AVEN: variants seen among roughly 807,000 people sequenced by gnomAD.
The protein encoded by AVEN is apoptosis and caspase activation inhibitor.
AVEN carries 41 observed loss-of-function variants against 38.1 expected under a neutral mutation model. That is an observed-to-expected ratio of 1.08 (90% CI 0.84 to 1.40). AVEN has a LOEUF of 1.40. AVEN is among the 40% of genes most tolerant of loss of function. AVEN has a pLI of 0.00. For missense variants in AVEN, 605 were observed against 438.8 expected (o/e 1.38, Z -3.38); for synonymous variants, 206 against 171.8 (o/e 1.20, Z -1.56).
Position 33,866,543 on chromosome 15 carries a change from A to AG in AVEN, c.*69dup. ...ATGCTTGTAAACTGGCTGGTCCTGA[A>AG]GGACAGCCTTATGCCCACCTGCCGT... On this transcript the variant is annotated 3_prime_UTR_variant, in exon 6 of 6. Transcript: ENST00000306730. The AG allele has an allele frequency of 8.5e-7, 1 of 1,177,412 alleles. No individual in the cohort carries two copies. Among genetic ancestry groups the AG allele is most frequent in the Middle Eastern group, 2.0e-4 (1 of 5,110 alleles). The allele number at this position is 1,177,412 out of a possible 1,614,324, so 72.9% of individuals were successfully genotyped here. A position where few individuals can be genotyped will look rare whatever the true frequency, so the allele number is the denominator to read the frequency against.
At chr15:34,062,927 C>A in exon 5 of AVEN, 1 of 1,614,200 alleles carries the variant, frequency 6.2e-7, no homozygotes, top group South Asian at 1.1e-5. Context: ...ATTACCTGCT[C>A]AGCTTAGCCT....
At chr15:33,909,611 A>T (rs911417341) in intron 2 of AVEN, among the ~76,000 whole-genome samples, 1 of 152,226 alleles carries the variant, frequency 6.6e-6, no homozygotes, top group African/African-American at 2.4e-5. Flanking sequence ...TTTCGAAGTA[A>T]AAGAATCCTG....
intron 5 of AVEN, among the ~76,000 whole-genome samples, chr15:34,053,319 A>ATATATAT (rs1555520677): frequency 7.8e-4 from 33 of 42,052 alleles, no homozygotes; most frequent in South Asian, 3.0e-3. Context: ...AAAAAAAAAA[A>ATATATAT]ATATATATAT....
rs561532796 is a variant in AVEN at position 33,860,833 on chromosome 15, T to G, written n.2730-1739A>C. On this transcript the variant is annotated intron_variant and non_coding_transcript_variant, in intron 11 of 11. Transcript: ENST00000675287. The stretch of plus-strand genomic sequence containing the variant: ...CATACCCCTGCCAGGCCGGCCACTC[T>G]GCTGCCTCCTCCACTGTCCCACAAT... Among the ~76,000 whole-genome samples, 26 of 152,316 alleles carry G rather than the reference T, an allele frequency of 1.7e-4. No homozygotes were observed. In the East Asian group the frequency reaches 4.8e-3, roughly 28 times the overall value.
chr15:34,041,775 A>G, upstream of AVEN, among the ~76,000 whole-genome samples: 1 of 152,180 alleles, frequency 6.6e-6, no homozygotes, highest in Non-Finnish European at 1.5e-5. Context: ...TATTATTCCT[A>G]TTTTACAGAT....
chr15:33,861,223 A>C, intron 11 of AVEN: 2 of 1,395,740 alleles, frequency 1.4e-6, no homozygotes, highest in Non-Finnish European at 2.0e-6. Flanking sequence ...TGTAGCGTAA[A>C]TAAAGCCAAT....
intron 2 of AVEN, among the ~76,000 whole-genome samples, chr15:33,904,204 G>T (rs975947994): frequency 6.6e-6 from 1 of 152,106 alleles, no homozygotes; most frequent in African/African-American, 2.4e-5. Flanking sequence ...AGTATTGCTG[G>T]AAGCCAGGAA....
intron 2 of AVEN, among the ~76,000 whole-genome samples, chr15:33,934,637 G>C (rs1893991522): frequency 6.6e-6 from 1 of 152,196 alleles, no homozygotes; most frequent in Non-Finnish European, 1.5e-5. Flanking sequence ...TGACTAAGTG[G>C]TAGATGAGGA....
At chr15:33,894,201 C>T (rs8028609) in intron 2 of AVEN, among the ~76,000 whole-genome samples, 10,201 of 151,992 alleles carry the variant, frequency 0.067, 1,061 homozygotes, top group African/African-American at 0.22. Context: ...CTGCCCACTT[C>T]GGACTCCTAA....
intron 2 of AVEN, among the ~76,000 whole-genome samples, chr15:33,984,639 T>C (rs1896341896): frequency 6.6e-6 from 1 of 152,136 alleles, no homozygotes; most frequent in African/African-American, 2.4e-5. Flanking sequence ...TGACCTCAGG[T>C]GATCCACCCG....
chr15:34,059,607 A>G (rs1464026568), intron 5 of AVEN, among the ~76,000 whole-genome samples: 1 of 152,102 alleles, frequency 6.6e-6, no homozygotes, highest in Non-Finnish European at 1.5e-5. Context: ...CTTTGGCTCC[A>G]GCTACCTTGT....
chr15:34,075,003 C>T (rs1459018565), exon 1 of AVEN, among the ~76,000 whole-genome samples: 2 of 151,756 alleles, frequency 1.3e-5, no homozygotes, highest in Non-Finnish European at 2.9e-5. Flanking sequence ...ACGGTGAAAC[C>T]TTGTCTCTAC....
chr15:33,990,330 C>T (rs4780197), intron 2 of AVEN, among the ~76,000 whole-genome samples: 33,449 of 151,916 alleles, frequency 0.22, 4,188 homozygotes, highest in Middle Eastern at 0.41. Context: ...TGCAGTGAGC[C>T]GAGATCACGC....
At chr15:33,939,668 T>G (rs550563486) in intron 2 of AVEN, among the ~76,000 whole-genome samples, 16 of 152,306 alleles carry the variant, frequency 1.1e-4, no homozygotes, top group Admixed American at 9.8e-4. Context: ...ATCTTAAAAA[T>G]AGGATGATTG....
At chr15:33,881,476 A>G (rs1891483930) in intron 2 of AVEN, among the ~76,000 whole-genome samples, 1 of 152,212 alleles carries the variant, frequency 6.6e-6, no homozygotes, top group African/African-American at 2.4e-5. Context: ...CACTGCAGCC[A>G]TGACCTCTGA....
At chr15:33,863,329 T>C (rs750083268), downstream of AVEN, among the ~76,000 whole-genome samples, 11 of 152,138 alleles carry the variant, frequency 7.2e-5, no homozygotes, top group Non-Finnish European at 1.6e-4. Flanking sequence ...GGAAAGGCAG[T>C]GAACATACTT....
intron 2 of AVEN, among the ~76,000 whole-genome samples, chr15:33,942,025 A>C (rs1003387649): frequency 2.0e-5 from 3 of 152,244 alleles, no homozygotes; most frequent in African/African-American, 7.2e-5. Context: ...GTGTTTATCA[A>C]GTAAGCTTTG....
intron 2 of AVEN, among the ~76,000 whole-genome samples, chr15:33,978,411 C>G (rs1018115636): frequency 6.6e-6 from 1 of 152,318 alleles, no homozygotes; most frequent in African/African-American, 2.4e-5. Context: ...CGCCTGTAAT[C>G]CCAGCACTTT....
At chr15:33,938,770 T>C (rs913791641) in intron 2 of AVEN, among the ~76,000 whole-genome samples, 7 of 152,198 alleles carry the variant, frequency 4.6e-5, no homozygotes, top group Non-Finnish European at 7.3e-5. Context: ...ACTCCAGATG[T>C]CTAACCACAA....
Sources: gnomAD v4.1 joint callset for allele counts (sites outside exome capture counted in the v4.1 genomes callset) on GRCh38, gnomAD v4.1.1 for gene constraint, MANE v1.5 for transcripts, NCBI Gene and HGNC (gene_info 2026-07-23, HGNC 2026-07-21) for gene names.